CDKL4: variants seen among roughly 807,000 people sequenced by gnomAD.
The protein encoded by CDKL4 is cyclin-dependent kinase-like 4.
In CDKL4, 44 loss-of-function variants were observed where a neutral mutation model predicts 42.0. The ratio of observed to expected loss-of-function variants is 1.05; its 90% CI spans 0.82 to 1.35. CDKL4 has a LOEUF of 1.35. Ranked by LOEUF, CDKL4 falls within the 40% of genes most tolerant of loss-of-function variation. The pLI, the probability that CDKL4 is intolerant of heterozygous loss-of-function variation, is 0.00. For synonymous variants in CDKL4, 120 were observed against 121.6 expected, an observed-to-expected ratio of 0.99 and a Z score of 0.09; for missense variants, 393 against 369.9, an observed-to-expected ratio of 1.06 and a Z score of -0.51.
intron 4 of CDKL4, among the ~76,000 whole-genome samples, chr2:39,208,890 G>C (rs1295707257): frequency 6.6e-6 from 1 of 151,790 alleles, no homozygotes; most frequent in Non-Finnish European, 1.5e-5. Flanking sequence ...TTGAGCCTTA[G>C]GCATGGATGC....
At chr2:39,200,922 T>C (rs947276842) in intron 5 of CDKL4, among the ~76,000 whole-genome samples, 2 of 152,024 alleles carry the variant, frequency 1.3e-5, no homozygotes, top group African/African-American at 4.8e-5. Context: ...AGACTTCTCA[T>C]GACCAAGAAC....
chr2:39,176,830 T>A (rs893029202), intron 9 of CDKL4, among the ~76,000 whole-genome samples: 1 of 152,188 alleles, frequency 6.6e-6, no homozygotes, highest in Admixed American at 6.5e-5. Context: ...GAAACCGCAA[T>A]GAATGAAAAG....
At chr2:39,240,247 TTAAAATAAAA>T (rs139821059) in intron 1 of CDKL4, among the ~76,000 whole-genome samples, 109,816 of 149,074 alleles carry the variant, frequency 0.74, 44,867 homozygotes, top group Non-Finnish European at 0.91. Flanking sequence ...CCGTCTCTAC[TTAAAATAAAA>T]TAAAATAAAA....
intron 3 of CDKL4, among the ~76,000 whole-genome samples, chr2:39,215,852 C>T (rs1677885954): frequency 6.6e-6 from 1 of 152,182 alleles, no homozygotes; most frequent in African/African-American, 2.4e-5. Context: ...CCCCAGTTCT[C>T]CTAATTATTA....
At chr2:39,226,472 T>TATATTATATATATTATATAC (rs1678748083) in intron 2 of CDKL4, among the ~76,000 whole-genome samples, 1 of 142,830 alleles carries the variant, frequency 7.0e-6, no homozygotes. Flanking sequence ...ATATTATATA[T>TATATTATATATATTATATAC]ATATAATATA....
intron 3 of CDKL4, among the ~76,000 whole-genome samples, chr2:39,222,775 T>G (rs60724750): frequency 0.034 from 5,208 of 152,152 alleles, 301 homozygotes; most frequent in African/African-American, 0.12. Flanking sequence ...TGTTTTATAA[T>G]AGTTTCAGGG....
chr2:39,191,354 A>C (rs1207775063), intron 5 of CDKL4, among the ~76,000 whole-genome samples: 1 of 152,102 alleles, frequency 6.6e-6, no homozygotes, highest in Non-Finnish European at 1.5e-5. Flanking sequence ...TGATCATGCC[A>C]CTGCACTCCA....
intron 1 of CDKL4, among the ~76,000 whole-genome samples, chr2:39,238,933 G>A (rs1158925611): frequency 6.6e-6 from 1 of 152,088 alleles, no homozygotes; most frequent in Non-Finnish European, 1.5e-5. Flanking sequence ...TGTATTTTCA[G>A]TAAAGATGGG....
At chr2:39,187,786 G>A in intron 6 of CDKL4, 77 bp from the exon 7 acceptor site, 2 of 916,266 alleles carry the variant, frequency 2.2e-6, no homozygotes, top group Non-Finnish European at 3.5e-6. Flanking sequence ...AATGCCTGAA[G>A]GCCAGGCATG....
chr2:39,243,035 G>A (rs935723373), intron 1 of CDKL4, among the ~76,000 whole-genome samples: 3 of 146,278 alleles, frequency 2.1e-5, no homozygotes, highest in Admixed American at 7.0e-5. Context: ...GGAGGTCAAG[G>A]TTGCTGAACC....
At chr2:39,241,835 T>G (rs1047268276) in intron 1 of CDKL4, among the ~76,000 whole-genome samples, 44 of 152,314 alleles carry the variant, frequency 2.9e-4, no homozygotes, top group African/African-American at 1.1e-3. Flanking sequence ...GTCTGGCACA[T>G]AGTGGACCTC....
downstream of CDKL4, among the ~76,000 whole-genome samples, chr2:39,173,749 C>G (rs1675062054): frequency 6.7e-6 from 1 of 148,232 alleles, no homozygotes; most frequent in Admixed American, 6.9e-5. Flanking sequence ...GGCGGAGCAG[C>G]TTGCAGTGAG....
At chr2:39,207,496 C>T (rs1270961564) in intron 4 of CDKL4, among the ~76,000 whole-genome samples, 1 of 152,198 alleles carries the variant, frequency 6.6e-6, no homozygotes, top group Non-Finnish European at 1.5e-5. Context: ...AACACTCATA[C>T]TTGGTGATTG....
chr2:39,178,378 G>C (rs1292008599), intron 9 of CDKL4, among the ~76,000 whole-genome samples: 1 of 152,184 alleles, frequency 6.6e-6, no homozygotes, highest in Non-Finnish European at 1.5e-5. Flanking sequence ...AAAATTGCTA[G>C]CCTCTGATGA....
intron 1 of CDKL4, among the ~76,000 whole-genome samples, chr2:39,241,530 C>T (rs1276979847): frequency 6.6e-6 from 1 of 152,244 alleles, no homozygotes; most frequent in African/African-American, 2.4e-5. Flanking sequence ...GAATAAAGTT[C>T]AAACTGTAGT....
At chr2:39,178,731 A>G in intron 9 of CDKL4, 2 of 1,607,800 alleles carry the variant, frequency 1.2e-6, no homozygotes, top group Admixed American at 1.7e-5. Context: ...TTTGAGAAAA[A>G]GCCTAGGAAA....
At chr2:39,203,354 C>T (rs768538058) in intron 5 of CDKL4, among the ~76,000 whole-genome samples, 26 of 152,158 alleles carry the variant, frequency 1.7e-4, no homozygotes, top group Admixed American at 3.3e-4. Context: ...TGAAATGCTG[C>T]TCTTATGTTC....
At chr2:39,182,369 A>G (rs1024970843) in intron 8 of CDKL4, among the ~76,000 whole-genome samples, 1 of 152,220 alleles carries the variant, frequency 6.6e-6, no homozygotes, top group Non-Finnish European at 1.5e-5. Flanking sequence ...TTCATTTTAA[A>G]GAACATTTTT....
Position 39,218,186 on chromosome 2 carries a change from G to A in CDKL4, c.291-4714C>T, listed in dbSNP as rs1255678577. Among the ~76,000 whole-genome samples, 3 of 152,182 alleles carry A rather than the reference G, an allele frequency of 2.0e-5. No homozygotes were observed. In the East Asian group the frequency reaches 5.8e-4, roughly 29 times the overall value. On this transcript the variant is annotated intron_variant, in intron 3 of 9. Transcript: ENST00000451199. Reference sequence around the variant, plus strand: ...TTCTGTGTTAACTTGACTAGGTTAAGGGATGACCAGATAGCTGCTAAAACA... The same window carrying A: ...TTCTGTGTTAACTTGACTAGGTTAAAGGATGACCAGATAGCTGCTAAAACA...
Sources: gnomAD v4.1 joint callset for allele counts (sites outside exome capture counted in the v4.1 genomes callset) on GRCh38, gnomAD v4.1.1 for gene constraint, MANE v1.5 for transcripts, NCBI Gene and HGNC (gene_info 2026-07-23, HGNC 2026-07-21) for gene names.